Variants in HUWE1 observed in about 807,000 individuals in gnomAD.
The protein encoded by HUWE1 is E3 ubiquitin-protein ligase HUWE1.
A neutral mutation model predicts 299.4 loss-of-function variants in HUWE1; 18 were observed. The observed-to-expected ratio is 0.06, with a 90% CI of 0.04 to 0.09. The LOEUF (loss-of-function observed/expected upper bound fraction) is 0.09, where lower values mean the gene tolerates loss of function less well. Among genes scored for constraint, HUWE1 ranks in the 10% least tolerant of loss-of-function variants. The probability of loss-of-function intolerance (pLI) is 1.00; values close to 1 mark genes in which losing one functional copy is unlikely to be tolerated. For synonymous variants in HUWE1, 1,317 were observed against 1,286.1 expected, an observed-to-expected ratio of 1.02 and a Z score of -0.51; for missense variants, 1,832 against 3,462.3, an observed-to-expected ratio of 0.53 and a Z score of 11.82.
rs1195205107 is a variant in HUWE1 at position 53,617,094 on chromosome X, G to T, written c.1833C>A (p.Leu611=). The change falls in exon 21 of 84, where the codon CTC becomes CTA. Residue 611 remains leucine, a synonymous_variant. Transcript: ENST00000262854. ...LGSLPNVFSA[L]CLNARGLQSF... ...ACTGAAGACCTCGGGCATTCAAACA[G>T]AGTGCACTGAATACATTTGGGAGGG... The T allele has an allele frequency of 3.6e-5, 43 of 1,208,662 alleles. No individual in the cohort carries two copies. Among genetic ancestry groups the T allele is most frequent in the Non-Finnish European group, 4.6e-5 (41 of 894,167 alleles).
chrX:53,558,839 G>T, intron 58 of HUWE1, 30 bp from the exon 59 acceptor site: 1 of 1,208,370 alleles, frequency 8.3e-7, no homozygotes, highest in Non-Finnish European at 1.1e-6. Context: ...ATCAAAGGCT[G>T]CTCTGGTGGG....
At position 53,580,157 on chromosome X, in the gene HUWE1, AT is replaced by A. The variant is rs782805252; in HGVS notation, c.5716+673del. The stretch of plus-strand genomic sequence containing the variant: ...AGTCAGCAGAGGGGAGATCAAGGGT[AT>A]TTTTATACAGAACTGCAATACCATT... On this transcript the variant is annotated intron_variant, in intron 43 of 83. Transcript: ENST00000262854. 9.0e-5 allele frequency among the ~76,000 whole-genome samples: 10 copies of A among 110,850 alleles called. No homozygotes were observed. In the East Asian group the frequency reaches 1.7e-3, roughly 19 times the overall value.
chrX:53,664,635 T>G (rs1472540362), intron 3 of HUWE1, among the ~76,000 whole-genome samples: 1 of 111,954 alleles, frequency 8.9e-6, no homozygotes, highest in Non-Finnish European at 1.9e-5. Context: ...AAACAAAAAA[T>G]GCTTAGAGAA....
At chrX:53,535,928 T>TG (rs1222261380) in intron 80 of HUWE1, 84 of 297,868 alleles carry the variant, frequency 2.8e-4, no homozygotes, top group African/African-American at 2.2e-3. Context: ...TGGAGTTTTT[T>TG]TTTTTTTTTT....
chrX:53,607,302 C>T (rs2065201954), intron 25 of HUWE1, among the ~76,000 whole-genome samples: 1 of 112,033 alleles, frequency 8.9e-6, no homozygotes, highest in African/African-American at 3.2e-5. Flanking sequence ...TGATGTAGAA[C>T]TACATACCCA....
chrX:53,543,972 G>GGAGAAA lies in HUWE1; in HGVS notation c.11252-10_11252-5dup. ...GCTGAGCCTAAACCGGAGGAACCTG[G>GGAGAAA]GAGAAAGAGAAAGAGGAAGGCAAGA... On this transcript the variant is annotated splice_polypyrimidine_tract_variant and splice_region_variant and intron_variant, in intron 72 of 83. Coordinates refer to ENST00000262854, the MANE Select transcript of HUWE1 (RefSeq NM_031407.7). 3 of 1,196,183 alleles carry GGAGAAA rather than the reference G, an allele frequency of 2.5e-6. No homozygotes were observed. The highest frequency in any genetic ancestry group is 2.3e-6 in the Non-Finnish European group (2 of 885,255).
intron 9 of HUWE1, chrX:53,631,822 C>T: frequency 4.7e-6 from 2 of 428,309 alleles, no homozygotes; most frequent in Non-Finnish European, 8.1e-6. Flanking sequence ...TCCTTTAAAA[C>T]CAGTAGTATC....
intron 3 of HUWE1, among the ~76,000 whole-genome samples, chrX:53,668,798 T>C (rs2069379965): frequency 8.9e-6 from 1 of 112,395 alleles, no homozygotes; most frequent in Non-Finnish European, 1.9e-5. Context: ...GCAAAAGAGC[T>C]GGCCTTCTCA....
At chrX:53,567,897 T>C (rs2062644942) in intron 49 of HUWE1, among the ~76,000 whole-genome samples, 1 of 111,563 alleles carries the variant, frequency 9.0e-6, no homozygotes, top group Non-Finnish European at 1.9e-5. Context: ...ATGTTTAAAC[T>C]GCTTCAATAA....
intron 27 of HUWE1, 36 bp from the exon 28 acceptor site, chrX:53,602,694 T>C: frequency 1.4e-6 from 1 of 696,676 alleles, no homozygotes; most frequent in East Asian, 3.5e-5. Flanking sequence ...AAGAAATATA[T>C]ATATATATAT....
chrX:53,684,321 T>G (rs2070359148), intron 2 of HUWE1, among the ~76,000 whole-genome samples: 1 of 112,142 alleles, frequency 8.9e-6, no homozygotes, highest in African/African-American at 3.2e-5. Flanking sequence ...TGCACACTCC[T>G]AAAAAGGAGA....
Position 53,561,744 on chromosome X carries a change from C to A in HUWE1, c.7507+12G>T. On this transcript the variant is annotated intron_variant, in intron 55 of 83. Coordinates refer to ENST00000262854, the MANE Select transcript of HUWE1 (RefSeq NM_031407.7). ...CAAGAGAGAAAAACCCAGCTGAGCC[C>A]CTGTATCTTACTAGCACTGGAGAAC... is the stretch of plus-strand genomic sequence containing the variant. 5 of 1,210,778 alleles carry A rather than the reference C, an allele frequency of 4.1e-6. No homozygotes were observed. The highest frequency in any genetic ancestry group is 5.6e-6 in the Non-Finnish European group (5 of 895,046).
chrX:53,648,121 T>C (rs993131480), intron 5 of HUWE1, 91 bp downstream of exon 5: 1 of 596,254 alleles, frequency 1.7e-6, no homozygotes, highest in Non-Finnish European at 2.9e-6. Flanking sequence ...AATGAGGCTA[T>C]CCCATTGTGG....
intron 28 of HUWE1, among the ~76,000 whole-genome samples, chrX:53,601,004 T>G (rs1909024738): frequency 8.9e-6 from 1 of 112,254 alleles, no homozygotes; most frequent in Non-Finnish European, 1.9e-5. Context: ...ATGTTTTGAC[T>G]AAATTTGAAA....
At chrX:53,566,692 T>TCC (rs1387819277) in intron 49 of HUWE1, among the ~76,000 whole-genome samples, 2 of 111,398 alleles carry the variant, frequency 1.8e-5, no homozygotes, top group Non-Finnish European at 3.8e-5. Flanking sequence ...GCTCAAGTGA[T>TCC]CCACCAGCCT....
chrX:53,533,188 G>T lies in HUWE1; in HGVS notation c.*121C>A. 2.0e-6 allele frequency: 1 copy of T among 512,428 alleles called. No individual in the cohort carries two copies. Among genetic ancestry groups the T allele is most frequent in the South Asian group, 2.7e-5 (1 of 37,129 alleles). 42.2% of individuals were successfully genotyped at this position (512,428 alleles called of 1,213,427 possible). ...AAGATGGGGCAGCTGGGACACACAC[G>T]GTGAGTTGGTGGATTTCATTTATTG... On this transcript the variant is annotated 3_prime_UTR_variant, in exon 84 of 84. Transcript: ENST00000262854.
At chrX:53,684,793 G>T (rs782292293) in intron 2 of HUWE1, among the ~76,000 whole-genome samples, 1 of 112,028 alleles carries the variant, frequency 8.9e-6, no homozygotes, top group African/African-American at 3.3e-5. Context: ...ACATTATCCA[G>T]ACTCCTTCCC....
rs190451839 is a variant in HUWE1 at position 53,645,037 on chromosome X, G to C, written c.504+274C>G. Among the ~76,000 whole-genome samples the C allele has an allele frequency of 3.6e-5, 4 of 112,177 alleles. No homozygotes were observed. The East Asian group carries it at 1.1e-3, about 31-fold the overall frequency. On this transcript the variant is annotated intron_variant, in intron 7 of 83. Coordinates refer to ENST00000262854, the MANE Select transcript of HUWE1 (RefSeq NM_031407.7). Reference sequence around the variant, plus strand: ...TTATACTTCCTTCTCACACAGAATTGAATCTAATTTTGAACTTTCCTTTCA... The same window carrying C: ...TTATACTTCCTTCTCACACAGAATTCAATCTAATTTTGAACTTTCCTTTCA...
At chrX:53,611,232 GA>G (rs2065449999) in intron 23 of HUWE1, among the ~76,000 whole-genome samples, 1 of 105,952 alleles carries the variant, frequency 9.4e-6, no homozygotes, top group South Asian at 4.1e-4. Context: ...TCTAAGCCTG[GA>G]AAAAACTCAG....
Sources: allele counts gnomAD v4.1 joint callset (sites outside exome capture counted in the v4.1 genomes callset), GRCh38; gene constraint gnomAD v4.1.1; transcripts MANE v1.5; gene names NCBI Gene and HGNC (gene_info 2026-07-23, HGNC 2026-07-21).